MACROD1: variants seen among roughly 807,000 people sequenced by gnomAD.
MACROD1 encodes the protein ADP-ribose glycohydrolase MACROD1.
In MACROD1, 31 loss-of-function variants were observed where a neutral mutation model predicts 41.4. The ratio of observed to expected loss-of-function variants is 0.75; its 90% CI spans 0.56 to 1.01. The LOEUF (loss-of-function observed/expected upper bound fraction) is 1.01. Among genes scored for constraint, MACROD1 ranks in the 50% least tolerant of loss-of-function variants. MACROD1 has a pLI of 0.00. For missense variants in MACROD1, 473 were observed against 460.0 expected (o/e 1.03, Z -0.26); for synonymous variants, 252 against 203.4 (o/e 1.24, Z -2.03).
chr11:64,050,512 C>A (rs901904953), intron 3 of MACROD1, among the ~76,000 whole-genome samples: 3 of 152,202 alleles, frequency 2.0e-5, no homozygotes, highest in African/African-American at 7.2e-5. Context: ...GCCCCCATAC[C>A]CTCTATTGCT....
chr11:64,083,426 GCAACACAGT>G (rs1448492120), intron 3 of MACROD1, among the ~76,000 whole-genome samples: 1 of 152,138 alleles, frequency 6.6e-6, no homozygotes, highest in East Asian at 1.9e-4. Flanking sequence ...CACTGCCTGG[GCAACACAGT>G]GAGACTCTGT....
rs1804943631 is a variant in MACROD1 at position 64,093,592 on chromosome 11, A to G, written c.517+57647T>C. On this transcript the variant is annotated intron_variant, in intron 3 of 10. Coordinates refer to ENST00000255681, the MANE Select transcript of MACROD1 (RefSeq NM_014067.4). Reference sequence around the variant, plus strand: ...CCAGTCCTTCCCTCCCAGTCCTTCCAGTTCTTGGGCCTCCCAGAACAGGTC... The same window carrying G: ...CCAGTCCTTCCCTCCCAGTCCTTCCGGTTCTTGGGCCTCCCAGAACAGGTC... Among the ~76,000 whole-genome samples the G allele has an allele frequency of 2.0e-5, 3 of 152,296 alleles. No individual in the cohort carries two copies. In the South Asian group the frequency reaches 6.2e-4, roughly 32 times the overall value.
At chr11:64,101,228 T>G (rs1473043446) in intron 3 of MACROD1, among the ~76,000 whole-genome samples, 1 of 151,882 alleles carries the variant, frequency 6.6e-6, no homozygotes, top group African/African-American at 2.4e-5. Context: ...AGGGCATTAG[T>G]GGGCAGTAGT....
intron 3 of MACROD1, among the ~76,000 whole-genome samples, chr11:64,094,624 C>T (rs898514072): frequency 2.0e-5 from 3 of 152,176 alleles, no homozygotes; most frequent in Non-Finnish European, 4.4e-5. Context: ...GGGTCGCGTA[C>T]GTCATGGGGC....
At position 64,117,749 on chromosome 11, in the gene MACROD1, G is replaced by C. The variant is rs750090644; in HGVS notation, c.517+33490C>G. On this transcript the variant is annotated intron_variant, in intron 3 of 10. Transcript: ENST00000255681. ...AGGGGGACAAGACAGAGTACCTGCT[G>C]ACAGCCCTGGAGCCCAAGTCCACCT... 5 of 1,614,030 alleles carry C rather than the reference G, an allele frequency of 3.1e-6. No individual in the cohort carries two copies. The Admixed American group carries it at 8.3e-5, about 27-fold the overall frequency.
intron 1 of MACROD1, among the ~76,000 whole-genome samples, chr11:64,156,054 G>A (rs1945662703): frequency 6.8e-6 from 1 of 146,920 alleles, no homozygotes; most frequent in Admixed American, 7.0e-5. Flanking sequence ...GTTGCGGTGA[G>A]CTGAGATCAC....
At chr11:64,091,349 G>A (rs532874961) in intron 3 of MACROD1, among the ~76,000 whole-genome samples, 3 of 152,108 alleles carry the variant, frequency 2.0e-5, no homozygotes, top group East Asian at 1.9e-4. Flanking sequence ...GTTTCCTGCC[G>A]TTACAATCTC....
chr11:64,116,405 G>A (rs759918242), intron 3 of MACROD1: 8 of 1,613,930 alleles, frequency 5.0e-6, no homozygotes, highest in African/African-American at 1.3e-5. Flanking sequence ...CCTTCCTGAC[G>A]GAGGTCATCG....
At position 64,151,243 on chromosome 11, in the gene MACROD1, G is replaced by A. The variant is rs138319576; in HGVS notation, c.513C>T (p.Asn171=). 15 of 1,612,806 alleles carry A rather than the reference G, an allele frequency of 9.3e-6. No individual in the cohort carries two copies. Among genetic ancestry groups the A allele is most frequent in the African/African-American group, 8.0e-5 (6 of 75,064 alleles). ...ITKLEVDAIV[N]AANSSLLGGG... ...TGGTTCAGGCCAGCCACTCACCGGC[G>A]TTGACGATGGCGTCCACCTCCAGCT... is the stretch of plus-strand genomic sequence containing the variant. The change falls in exon 3 of 11, where the codon AAC becomes AAT. Residue 171 remains asparagine (N), a synonymous_variant. Transcript: ENST00000255681.
intron 3 of MACROD1, among the ~76,000 whole-genome samples, chr11:64,084,844 G>A (rs1184037132): frequency 6.6e-6 from 1 of 152,206 alleles, no homozygotes. Context: ...CCCCGGCCCG[G>A]GAGGGGCGCA....
intron 4 of MACROD1, among the ~76,000 whole-genome samples, chr11:64,002,449 T>G (rs1942842126): frequency 6.6e-6 from 1 of 152,116 alleles, no homozygotes. Context: ...TGCCCCCTCC[T>G]CACCCCCAGC....
At chr11:64,156,377 C>T (rs1395134395) in intron 1 of MACROD1, among the ~76,000 whole-genome samples, 8 of 152,218 alleles carry the variant, frequency 5.3e-5, no homozygotes, top group South Asian at 2.1e-4. Context: ...CACTCCCAGA[C>T]GGCTGGACCT....
chr11:64,160,547 G>A (rs760871304), intron 1 of MACROD1, among the ~76,000 whole-genome samples: 1 of 152,184 alleles, frequency 6.6e-6, no homozygotes, highest in Non-Finnish European at 1.5e-5. Flanking sequence ...GCACACATCT[G>A]TAATCTCAGC....
intron 3 of MACROD1, among the ~76,000 whole-genome samples, chr11:64,093,429 C>T (rs933668983): frequency 6.6e-6 from 1 of 152,256 alleles, no homozygotes; most frequent in African/African-American, 2.4e-5. Flanking sequence ...GCCAGGCCTC[C>T]ACCTGGCATG....
intron 3 of MACROD1, among the ~76,000 whole-genome samples, chr11:64,101,247 C>T (rs1449747897): frequency 6.6e-6 from 1 of 152,058 alleles, no homozygotes; most frequent in South Asian, 2.1e-4. Context: ...GTGGGAGACA[C>T]GGCTGGTGGG....
intron 3 of MACROD1, among the ~76,000 whole-genome samples, chr11:64,022,131 C>G (rs956414195): frequency 6.6e-6 from 1 of 151,716 alleles, no homozygotes; most frequent in South Asian, 2.1e-4. Flanking sequence ...AGAGCAGCCC[C>G]TGGGGGGCCT....
At chr11:64,063,473 G>A (rs1235506442) in intron 3 of MACROD1, among the ~76,000 whole-genome samples, 2 of 152,126 alleles carry the variant, frequency 1.3e-5, no homozygotes, top group Non-Finnish European at 2.9e-5. Context: ...CTTGAAGGAT[G>A]AACAGTTCAT....
At chr11:64,027,031 G>T (rs1019202759) in intron 3 of MACROD1, among the ~76,000 whole-genome samples, 5 of 152,246 alleles carry the variant, frequency 3.3e-5, no homozygotes, top group Admixed American at 1.3e-4. Context: ...CCTGTGGGGA[G>T]ACGACCTCAT....
chr11:64,086,420 C>G (rs552771361), intron 3 of MACROD1, among the ~76,000 whole-genome samples: 1 of 152,068 alleles, frequency 6.6e-6, no homozygotes, highest in African/African-American at 2.4e-5. Flanking sequence ...CCTCCCCACC[C>G]CCAGCTTTCT....
Sources: gnomAD v4.1 joint callset for allele counts (sites outside exome capture counted in the v4.1 genomes callset) on GRCh38, gnomAD v4.1.1 for gene constraint, MANE v1.5 for transcripts, NCBI Gene and HGNC (gene_info 2026-07-23, HGNC 2026-07-21) for gene names.